PARD3B: variants seen among roughly 807,000 people sequenced by gnomAD.
PARD3B encodes partitioning defective 3 homolog B.
In PARD3B, 103 loss-of-function variants were observed where a neutral mutation model predicts 130.2. The observed-to-expected ratio is 0.79, with a 90% CI of 0.67 to 0.93. PARD3B has a LOEUF of 0.93. Ranked by LOEUF, PARD3B falls within the 40% of genes least tolerant of loss-of-function variation. The pLI is 0.00. For synonymous variants in PARD3B, 583 were observed against 553.2 expected (o/e 1.05, Z -0.76); for missense variants, 1,609 against 1,499.2 (o/e 1.07, Z -1.21).
intron 16 of PARD3B, among the ~76,000 whole-genome samples, chr2:205,290,945 C>T (rs1055845798): frequency 1.3e-5 from 2 of 152,164 alleles, no homozygotes; most frequent in Non-Finnish European, 2.9e-5. Flanking sequence ...CTGCCTGTGC[C>T]TTGATCTTGC....
chr2:204,574,791 T>C (rs1165918855), intron 1 of PARD3B, among the ~76,000 whole-genome samples: 1 of 152,196 alleles, frequency 6.6e-6, no homozygotes, highest in South Asian at 2.1e-4. Flanking sequence ...CAAGCAGACT[T>C]TGAGCAGGTC....
chr2:205,212,680 A>G lies in PARD3B; in HGVS notation c.2140+19360A>G, dbSNP rs1255708046. On this transcript the variant is annotated intron_variant, in intron 15 of 22. Coordinates refer to ENST00000406610, the MANE Select transcript of PARD3B (RefSeq NM_001302769.2). ...TCAACTAAGCATACATTAACCATGGACGGTGATGATAGAATGTAACTGACA... is the reference window on the plus strand; with the variant it reads ...TCAACTAAGCATACATTAACCATGGGCGGTGATGATAGAATGTAACTGACA... Among the ~76,000 whole-genome samples the G allele has an allele frequency of 2.0e-5, 3 of 152,266 alleles. No homozygotes were observed. The East Asian group carries it at 5.8e-4, about 29-fold the overall frequency.
rs557143420 is a variant in PARD3B at position 204,820,071 on chromosome 2, C to CTTTTTTTTTTT, written c.222+133800_222+133810dup. ...GAAGGTGGCTACATTAAACAATAGA[C>CTTTTTTTTTTT]TTTTTTTTTTTTTTTTTTTTTGAGA... On this transcript the variant is annotated intron_variant, in intron 2 of 22. Transcript: ENST00000406610. 4.6e-4 allele frequency among the ~76,000 whole-genome samples: 45 copies of CTTTTTTTTTTT among 98,424 alleles called. 4 individuals carry two copies. The highest frequency in any genetic ancestry group is 1.4e-3 in the African/African-American group (31 of 22,448). The allele number at this position is 98,424 out of a possible 152,430, so 64.6% of individuals were successfully genotyped here.
intron 2 of PARD3B, among the ~76,000 whole-genome samples, chr2:204,853,872 TGTG>T (rs1013811513): frequency 6.6e-5 from 10 of 152,176 alleles, no homozygotes; most frequent in Admixed American, 3.3e-4. Flanking sequence ...AATTACAAGT[TGTG>T]GTAAATGCTA....
At chr2:204,550,412 C>CTGTGTGTGTGTGTGTGTGTGTGTGTG (rs3051346) in intron 1 of PARD3B, among the ~76,000 whole-genome samples, 1 of 144,300 alleles carries the variant, frequency 6.9e-6, no homozygotes, top group East Asian at 2.1e-4. Flanking sequence ...GGAGGGCTGA[C>CTGTGTGTGTGTGTGTGTGTGTGTGTG]TGTGTGTGTG....
At chr2:204,808,579 C>T (rs1246098662) in intron 2 of PARD3B, among the ~76,000 whole-genome samples, 1 of 152,076 alleles carries the variant, frequency 6.6e-6, no homozygotes, top group Non-Finnish European at 1.5e-5. Context: ...CAAGAACATG[C>T]AGTATTTGGT....
Position 204,803,770 on chromosome 2 carries a change from C to A in PARD3B, c.222+117488C>A, listed in dbSNP as rs576709269. ...CCAGAGAAAACCACATTCACTAAAA[C>A]GAAGACAGGAAGGAAAGAAGGAAGG... On this transcript the variant is annotated intron_variant, in intron 2 of 22. Transcript: ENST00000406610. 8.6e-5 allele frequency among the ~76,000 whole-genome samples: 13 copies of A among 152,018 alleles called. No individual in the cohort carries two copies. In the South Asian group the frequency reaches 2.7e-3, roughly 32 times the overall value.
chr2:204,602,446 A>T (rs949325073), intron 1 of PARD3B, among the ~76,000 whole-genome samples: 17 of 150,750 alleles, frequency 1.1e-4, no homozygotes, highest in African/African-American at 2.2e-4. Context: ...AAAACAGTTT[A>T]AAAAAAAATA....
At chr2:205,605,205 C>T (rs1453651528) in intron 22 of PARD3B, among the ~76,000 whole-genome samples, 1 of 152,238 alleles carries the variant, frequency 6.6e-6, no homozygotes, top group African/African-American at 2.4e-5. Flanking sequence ...AAGCCTACTT[C>T]TATCAATTCA....
At chr2:204,955,064 T>C (rs1421370861) in intron 2 of PARD3B, among the ~76,000 whole-genome samples, 1 of 152,226 alleles carries the variant, frequency 6.6e-6, no homozygotes, top group East Asian at 1.9e-4. Context: ...ATGTTTGTTA[T>C]ATTCATGACT....
intron 1 of PARD3B, among the ~76,000 whole-genome samples, chr2:204,615,528 A>G (rs1011326050): frequency 6.6e-6 from 1 of 152,186 alleles, no homozygotes; most frequent in African/African-American, 2.4e-5. Context: ...AAAATCAGAA[A>G]AATTGGGAAA....
chr2:205,518,562 G>A (rs1234531598), intron 21 of PARD3B, among the ~76,000 whole-genome samples: 3 of 152,072 alleles, frequency 2.0e-5, no homozygotes, highest in Non-Finnish European at 4.4e-5. Context: ...TTTAAGTGAG[G>A]CATTTAGCCT....
At chr2:204,794,017 G>C (rs1323065253) in intron 2 of PARD3B, among the ~76,000 whole-genome samples, 3 of 152,130 alleles carry the variant, frequency 2.0e-5, no homozygotes, top group Non-Finnish European at 2.9e-5. Context: ...TCTCAATATG[G>C]ATGTGTTCAA....
intron 15 of PARD3B, among the ~76,000 whole-genome samples, chr2:205,221,007 G>A (rs2038209032): frequency 6.6e-6 from 1 of 152,158 alleles, no homozygotes; most frequent in South Asian, 2.1e-4. Flanking sequence ...TTCTAAATGT[G>A]GTTGGAAGCT....
chr2:204,571,296 C>T (rs536500265), intron 1 of PARD3B, among the ~76,000 whole-genome samples: 1 of 152,190 alleles, frequency 6.6e-6, no homozygotes, highest in Non-Finnish European at 1.5e-5. Flanking sequence ...CTCTCAAGAC[C>T]TCAGGCATAG....
rs577563589 is a variant in PARD3B at position 205,550,255 on chromosome 2, A to G, written c.3181-3069A>G. Among the ~76,000 whole-genome samples the G allele has an allele frequency of 2.6e-5, 4 of 152,254 alleles. No homozygotes were observed. In the East Asian group the frequency reaches 7.7e-4, roughly 29 times the overall value. ...GTATGACGCTGTCTTCAACTCTCCC[A>G]GGTGGACTTTGGAATTTCTTCCTGC... On this transcript the variant is annotated intron_variant, in intron 21 of 22. Coordinates refer to ENST00000406610, the MANE Select transcript of PARD3B (RefSeq NM_001302769.2). This position sits in a 1 kb window ranked among gnomAD's most constrained non-coding sequence, Gnocchi z 4.5.
At position 205,366,116 on chromosome 2, in the gene PARD3B, T is replaced by C. The variant is rs1574820878; in HGVS notation, c.2631-34897T>C. Among the ~76,000 whole-genome samples the C allele has an allele frequency of 1.3e-5, 2 of 152,186 alleles. No homozygotes were observed. Among genetic ancestry groups the C allele is most frequent in the East Asian group, 3.9e-4 (2 of 5,172 alleles). On this transcript the variant is annotated intron_variant, in intron 18 of 22. Coordinates refer to ENST00000406610, the MANE Select transcript of PARD3B (RefSeq NM_001302769.2). This position sits in a 1 kb window ranked among gnomAD's most constrained non-coding sequence, Gnocchi z 5.0. ...TCCATCCATTCATCCATCCATCCAT[T>C]ATCCATATTTATGTTGGCTAGAGCT...
chr2:205,517,436 A>G (rs903559011), intron 21 of PARD3B, among the ~76,000 whole-genome samples: 3 of 152,000 alleles, frequency 2.0e-5, no homozygotes, highest in Non-Finnish European at 4.4e-5. Flanking sequence ...TACCTTCATC[A>G]TTTGTAATTG....
chr2:204,929,558 A>G (rs1687875465), intron 2 of PARD3B, among the ~76,000 whole-genome samples: 1 of 152,128 alleles, frequency 6.6e-6, no homozygotes, highest in South Asian at 2.1e-4. Context: ...AGGAATTTTT[A>G]TTTCCAGCAA....
Sources: allele counts gnomAD v4.1 joint callset (sites outside exome capture counted in the v4.1 genomes callset), GRCh38; gene constraint gnomAD v4.1.1; non-coding constraint Gnocchi (gnomAD v3.1); transcripts MANE v1.5; gene names NCBI Gene and HGNC (gene_info 2026-07-23, HGNC 2026-07-21).